The following PRR5L variants were observed in gnomAD, a reference collection of about 807,000 sequenced individuals.
PRR5L encodes the protein proline rich 5 like, also known as proline-rich protein 5-like.
Under a neutral mutation model 36.4 loss-of-function variants are expected in PRR5L, and 21 were observed. The observed-to-expected ratio is 0.58, with a 90% CI of 0.41 to 0.83. The LOEUF (loss-of-function observed/expected upper bound fraction) is 0.83. Among genes scored for constraint, PRR5L ranks in the 40% least tolerant of loss-of-function variants. PRR5L has a pLI of 0.00. For synonymous variants in PRR5L, 188 were observed against 197.0 expected, an observed-to-expected ratio of 0.95 and a Z score of 0.38; for missense variants, 381 against 473.3, an observed-to-expected ratio of 0.80 and a Z score of 1.81.
intron 3 of PRR5L, among the ~76,000 whole-genome samples, chr11:36,408,211 C>T (rs1857949614): frequency 6.6e-6 from 1 of 151,374 alleles, no homozygotes; most frequent in South Asian, 2.1e-4. Context: ...ACCTGGGAGA[C>T]AGAGGTTGCA....
At chr11:36,351,347 A>G (rs1175535795) in intron 1 of PRR5L, among the ~76,000 whole-genome samples, 17 of 86,762 alleles carry the variant, frequency 2.0e-4, no homozygotes, top group Admixed American at 1.3e-3. Context: ...TTTATAATAT[A>G]TAATAAATAT....
chr11:36,450,087 T>G (rs1858912823), intron 7 of PRR5L, among the ~76,000 whole-genome samples: 1 of 152,090 alleles, frequency 6.6e-6, no homozygotes, highest in African/African-American at 2.4e-5. Flanking sequence ...CGCACCCATC[T>G]CAGTGTAATG....
At chr11:36,320,625 C>T (rs1421639880) in intron 1 of PRR5L, among the ~76,000 whole-genome samples, 1 of 152,140 alleles carries the variant, frequency 6.6e-6, no homozygotes, top group Admixed American at 6.5e-5. Context: ...TAAGCCCTAC[C>T]TGGTAAGGTG....
intron 8 of PRR5L, among the ~76,000 whole-genome samples, chr11:36,458,777 G>A (rs1859117398): frequency 6.6e-6 from 1 of 152,224 alleles, no homozygotes; most frequent in Non-Finnish European, 1.5e-5. Context: ...TCTGTGAACA[G>A]CATGGTTTGC....
intron 1 of PRR5L, chr11:36,323,418 T>C (rs1856631517): frequency 6.6e-6 from 1 of 152,240 alleles, no homozygotes; most frequent in Non-Finnish European, 1.5e-5. Context: ...TCATCGTCTC[T>C]GCTTTAGTCC....
intron 1 of PRR5L, among the ~76,000 whole-genome samples, chr11:36,346,444 G>T (rs964395769): frequency 5.9e-5 from 9 of 152,060 alleles, no homozygotes; most frequent in African/African-American, 2.2e-4. Context: ...TTAGCCGGGC[G>T]TGGTGGCAGG....
At chr11:36,352,101 A>G (rs948673768) in intron 1 of PRR5L, among the ~76,000 whole-genome samples, 2 of 151,864 alleles carry the variant, frequency 1.3e-5, no homozygotes, top group African/African-American at 4.8e-5. Flanking sequence ...TTATTTTTTT[A>G]TATTTTTGAT....
In PRR5L at chr11:36,341,743, C is replaced by T. The variant is rs78330925; in HGVS notation, c.-126+45305C>T. 3.6e-3 allele frequency among the ~76,000 whole-genome samples: 542 copies of T among 152,330 alleles called. 1 individual carries two copies. The highest frequency in any genetic ancestry group is 6.8e-3 in the Middle Eastern group (2 of 294). On this transcript the variant is annotated intron_variant, in intron 1 of 8. Transcript: ENST00000530639. Reference sequence around the variant, plus strand: ...GTGGCCAGAATTTGCTAAGAACCCCCTCCTCACAAGACAAGAGCTTGAGGT... The same window carrying T: ...GTGGCCAGAATTTGCTAAGAACCCCTTCCTCACAAGACAAGAGCTTGAGGT...
At position 36,419,289 on chromosome 11, in the gene PRR5L, A is replaced by C; in HGVS notation, c.280A>C (p.Thr94Pro). The change falls in exon 4 of 9, where the codon ACA becomes CCA. Residue 94 changes from threonine (T) to proline (P), a missense_variant. Transcript: ENST00000530639. ...GAAGAGTGAACTTGGATCATTCATT[A>C]CAGACTATTTTCAGGTAAGCTGTGT... ...LLKSELGSFI[T>P]DYFQNQLLAK... 3 of 1,614,058 alleles carry C rather than the reference A, an allele frequency of 1.9e-6. No individual in the cohort carries two copies. Among genetic ancestry groups the C allele is most frequent in the Non-Finnish European group, 2.5e-6 (3 of 1,179,906 alleles).
Position 36,462,626 on chromosome 11 carries a change from C to T in PRR5L, c.997C>T (p.His333Tyr). Residue 333 changes from histidine to tyrosine, a missense_variant, in exon 9 of 9, where the codon CAC becomes TAC. Physicochemically the swap from His to Tyr is moderately conservative, Grantham distance 83. Coordinates refer to ENST00000530639, the MANE Select transcript of PRR5L (RefSeq NM_001160167.2). Reference sequence around the variant, plus strand: ...CCTGCCACCCAGCTTCCCCCCGCCCCACCGGCAGTGCTCCAGTGAGCCCAA... The same window carrying T: ...CCTGCCACCCAGCTTCCCCCCGCCCTACCGGCAGTGCTCCAGTGAGCCCAA... ...LLLPPSFPPP[H>Y]RQCSSEPNIT... The T allele has an allele frequency of 6.2e-7, 1 of 1,612,468 alleles. No individual in the cohort carries two copies. Among genetic ancestry groups the T allele is most frequent in the Non-Finnish European group, 8.5e-7 (1 of 1,179,926 alleles).
chr11:36,428,718 TA>T (rs1209641383), intron 4 of PRR5L, among the ~76,000 whole-genome samples: 1 of 152,178 alleles, frequency 6.6e-6, no homozygotes, highest in Non-Finnish European at 1.5e-5. Flanking sequence ...AGCTATAAGA[TA>T]AGAGCAAAAT....
intron 5 of PRR5L, among the ~76,000 whole-genome samples, chr11:36,435,564 T>C (rs1858587777): frequency 6.6e-6 from 1 of 152,112 alleles, no homozygotes; most frequent in African/African-American, 2.4e-5. Context: ...GGCTAGCATA[T>C]GCAAAGGCCC....
chr11:36,459,903 G>T (rs1354570086), intron 8 of PRR5L, among the ~76,000 whole-genome samples: 1 of 152,122 alleles, frequency 6.6e-6, no homozygotes, highest in Non-Finnish European at 1.5e-5. Context: ...AGTTCCAGAG[G>T]ACTTTGATTT....
chr11:36,434,277 G>C (rs1440415563), intron 5 of PRR5L, among the ~76,000 whole-genome samples: 2 of 152,150 alleles, frequency 1.3e-5, no homozygotes. Flanking sequence ...GAACCTTTAA[G>C]GGACTCTGCC....
At chr11:36,316,080 G>A (rs748599399) in intron 1 of PRR5L, among the ~76,000 whole-genome samples, 1 of 152,200 alleles carries the variant, frequency 6.6e-6, no homozygotes, top group African/African-American at 2.4e-5. Flanking sequence ...GAGGGGAAGT[G>A]TATTAGTCTA....
At chr11:36,351,214 A>T (rs1423911898) in intron 1 of PRR5L, among the ~76,000 whole-genome samples, 1 of 91,662 alleles carries the variant, frequency 1.1e-5, no homozygotes, top group Admixed American at 2.0e-4. Context: ...ATATAAATAT[A>T]TAAATATATA....
chr11:36,315,679 G>A (rs1486082913), intron 1 of PRR5L, among the ~76,000 whole-genome samples: 1 of 152,146 alleles, frequency 6.6e-6, no homozygotes, highest in African/African-American at 2.4e-5. Flanking sequence ...GTGAGCAATT[G>A]GCCATATTCC....
intron 1 of PRR5L, among the ~76,000 whole-genome samples, chr11:36,326,611 C>G (rs1856665304): frequency 6.6e-6 from 1 of 152,108 alleles, no homozygotes; most frequent in Non-Finnish European, 1.5e-5. Flanking sequence ...GTCATTTGTT[C>G]TATAGCAGGT....
At chr11:36,447,989 A>G (rs1011733396) in intron 7 of PRR5L, among the ~76,000 whole-genome samples, 7 of 152,118 alleles carry the variant, frequency 4.6e-5, no homozygotes, top group Non-Finnish European at 8.8e-5. Context: ...CCATCTTCCC[A>G]TATCAGTTTA....
Sources: gnomAD v4.1 joint callset for allele counts (sites outside exome capture counted in the v4.1 genomes callset) on GRCh38, gnomAD v4.1.1 for gene constraint, MANE v1.5 for transcripts, NCBI Gene and HGNC (gene_info 2026-07-23, HGNC 2026-07-21) for gene names.